Variants in SH3RF3 observed in about 807,000 individuals in gnomAD.
SH3RF3 encodes the protein E3 ubiquitin-protein ligase SH3RF3.
Under a neutral mutation model 66.3 loss-of-function variants are expected in SH3RF3, and 29 were observed. The observed-to-expected ratio is 0.44, with a 90% CI of 0.33 to 0.60. The LOEUF is 0.60. Among genes scored for constraint, SH3RF3 ranks in the 20% least tolerant of loss-of-function variants. The pLI is 0.04. For missense variants in SH3RF3, 1,194 were observed against 1,190.9 expected, an observed-to-expected ratio of 1.00 and a Z score of -0.04; for synonymous variants, 583 against 532.0, an observed-to-expected ratio of 1.10 and a Z score of -1.32.
intron 3 of SH3RF3, among the ~76,000 whole-genome samples, chr2:109,386,863 C>T (rs1001188885): frequency 3.9e-5 from 6 of 152,192 alleles, no homozygotes; most frequent in East Asian, 1.9e-4. Context: ...GGGCACCTCA[C>T]GCTTTGTACA....
At chr2:109,276,146 G>T (rs995506072) in intron 1 of SH3RF3, among the ~76,000 whole-genome samples, 5 of 152,186 alleles carry the variant, frequency 3.3e-5, no homozygotes, top group Admixed American at 2.0e-4. Context: ...ACCCACGAGG[G>T]TTCGAGTTAG....
At chr2:109,335,953 A>G (rs1300072800) in intron 1 of SH3RF3, among the ~76,000 whole-genome samples, 1 of 152,202 alleles carries the variant, frequency 6.6e-6, no homozygotes, top group Non-Finnish European at 1.5e-5. Flanking sequence ...TGGGAGTGGG[A>G]TATGTCGGTG....
intron 3 of SH3RF3, among the ~76,000 whole-genome samples, chr2:109,392,338 C>G (rs559322865): frequency 5.9e-5 from 9 of 152,284 alleles, no homozygotes; most frequent in African/African-American, 2.2e-4. Context: ...AATGGTGCTG[C>G]TTGTTCACTG....
chr2:109,215,658 C>T (rs1574509014), intron 1 of SH3RF3, among the ~76,000 whole-genome samples: 1 of 152,112 alleles, frequency 6.6e-6, no homozygotes, highest in African/African-American at 2.4e-5. Flanking sequence ...CTCTCACCTA[C>T]GATTTTACTG....
chr2:109,348,072 C>T (rs1257409806), intron 2 of SH3RF3, 123 bp downstream of exon 2: 56 of 1,345,456 alleles, frequency 4.2e-5, no homozygotes, highest in Non-Finnish European at 4.7e-5. Context: ...TGGCTCCTCC[C>T]GGAACCCTGG....
At chr2:109,224,370 A>G (rs1451418324) in intron 1 of SH3RF3, among the ~76,000 whole-genome samples, 1 of 152,218 alleles carries the variant, frequency 6.6e-6, no homozygotes, top group Non-Finnish European at 1.5e-5. Context: ...TTTTGATTGC[A>G]TGCTGGGTTT....
chr2:109,245,964 G>A (rs1312418703), intron 1 of SH3RF3, among the ~76,000 whole-genome samples: 1 of 152,186 alleles, frequency 6.6e-6, no homozygotes, highest in Admixed American at 6.5e-5. Flanking sequence ...TATAATGAAA[G>A]TCTCTAAGCT....
At chr2:109,367,289 T>C (rs1335293097) in intron 2 of SH3RF3, among the ~76,000 whole-genome samples, 4 of 151,666 alleles carry the variant, frequency 2.6e-5, no homozygotes, top group Admixed American at 2.6e-4. Flanking sequence ...TTACTTTTTA[T>C]TTTTATTTTT....
At chr2:109,250,193 G>A (rs1246188937) in intron 1 of SH3RF3, among the ~76,000 whole-genome samples, 2 of 151,602 alleles carry the variant, frequency 1.3e-5, no homozygotes, top group Non-Finnish European at 2.9e-5. Context: ...GTTCCCTAAG[G>A]TTTTGATATA....
chr2:109,238,496 TGTGA>T (rs1473864007), intron 1 of SH3RF3, among the ~76,000 whole-genome samples: 68 of 131,308 alleles, frequency 5.2e-4, no homozygotes, highest in Admixed American at 2.0e-3. Flanking sequence ...TGTGTGTGTG[TGTGA>T]GAGTGAGACA....
intron 1 of SH3RF3, among the ~76,000 whole-genome samples, chr2:109,281,848 G>A (rs1238542006): frequency 6.6e-6 from 1 of 152,190 alleles, no homozygotes; most frequent in Non-Finnish European, 1.5e-5. Context: ...GGAGCACACA[G>A]ACCCCCAGCG....
rs1677727181 is a variant in SH3RF3 at position 109,447,109 on chromosome 2, T to G, written c.1829-2061T>G. Among the ~76,000 whole-genome samples the G allele has an allele frequency of 2.3e-5, 3 of 132,822 alleles. 1 individual carries two copies. The highest frequency in any genetic ancestry group is 4.6e-5 in the Non-Finnish European group (3 of 65,494). The allele number at this position is 132,822 out of a possible 152,430, so 87.1% of individuals were successfully genotyped here. A position where few individuals can be genotyped will look rare whatever the true frequency, so the allele number is the denominator to read the frequency against. On this transcript the variant is annotated intron_variant, in intron 7 of 9. Transcript: ENST00000309415. ...GGAGCTGTGTTGGGTTAGGATCAAA[T>G]GTTTCAAGTTTCCAACCCAGCTGAA...
chr2:109,440,218 CT>C (rs1250515762), intron 7 of SH3RF3, among the ~76,000 whole-genome samples: 7 of 152,108 alleles, frequency 4.6e-5, no homozygotes, highest in African/African-American at 1.7e-4. Context: ...GCATACTGTC[CT>C]TTAAATCTGA....
At chr2:109,436,040 C>A (rs1258102083) in intron 6 of SH3RF3, among the ~76,000 whole-genome samples, 1 of 152,092 alleles carries the variant, frequency 6.6e-6, no homozygotes, top group Non-Finnish European at 1.5e-5. Flanking sequence ...CCCAGTGATA[C>A]CAGCCACAGG....
rs180872169 is a variant in SH3RF3, at chr2:109,362,962, G to A, written c.850-8624G>A. On this transcript the variant is annotated intron_variant, in intron 2 of 9. Coordinates refer to ENST00000309415, the MANE Select transcript of SH3RF3 (RefSeq NM_001099289.3). Reference sequence around the variant, plus strand: ...ATCTGCTTGTGTGTGTATATTTAAAGTAGATTTCTTGTAAACAACATATAG... The same window carrying A: ...ATCTGCTTGTGTGTGTATATTTAAAATAGATTTCTTGTAAACAACATATAG... Among the ~76,000 whole-genome samples the A allele has an allele frequency of 4.6e-5, 7 of 152,138 alleles. No homozygotes were observed. In the East Asian group the frequency reaches 1.4e-3, roughly 29 times the overall value.
chr2:109,298,576 G>A (rs531866778), intron 1 of SH3RF3, among the ~76,000 whole-genome samples: 1 of 152,208 alleles, frequency 6.6e-6, no homozygotes, highest in South Asian at 2.1e-4. Context: ...CCCTGCAGGA[G>A]GATGAGCCCC....
At chr2:109,257,480 G>C (rs1341125901) in intron 1 of SH3RF3, among the ~76,000 whole-genome samples, 1 of 152,082 alleles carries the variant, frequency 6.6e-6, no homozygotes, top group African/African-American at 2.4e-5. Context: ...GTAAATAGCA[G>C]CTGCCCTGAA....
intron 2 of SH3RF3, among the ~76,000 whole-genome samples, chr2:109,355,618 T>C (rs956188274): frequency 1.3e-5 from 2 of 152,228 alleles, no homozygotes; most frequent in African/African-American, 2.4e-5. Context: ...GTGTTGTCCC[T>C]GTATGCTCCC....
At chr2:109,356,641 G>A (rs1682948811) in intron 2 of SH3RF3, among the ~76,000 whole-genome samples, 1 of 152,100 alleles carries the variant, frequency 6.6e-6, no homozygotes, top group Admixed American at 6.5e-5. Flanking sequence ...TGAATATATT[G>A]GTGACGTGAT....
Sources: gnomAD v4.1 joint callset for allele counts (sites outside exome capture counted in the v4.1 genomes callset) on GRCh38, gnomAD v4.1.1 for gene constraint, MANE v1.5 for transcripts, NCBI Gene and HGNC (gene_info 2026-07-23, HGNC 2026-07-21) for gene names.